RFX3: variants seen among roughly 807,000 people sequenced by gnomAD.
RFX3 encodes the protein regulatory factor X3.
A neutral mutation model predicts 98.6 loss-of-function variants in RFX3; 14 were observed. The ratio of observed to expected loss-of-function variants is 0.14; its 90% CI spans 0.09 to 0.22. The LOEUF is 0.22. Ranked by LOEUF, RFX3 falls within the 10% of genes least tolerant of loss-of-function variation. The pLI is 1.00. For synonymous variants in RFX3, 383 were observed against 328.4 expected (o/e 1.17, Z -1.80); for missense variants, 639 against 926.9 (o/e 0.69, Z 4.03).
chr9:3,340,150 G>A (rs1478737948), intron 3 of RFX3, among the ~76,000 whole-genome samples: 5 of 152,152 alleles, frequency 3.3e-5, no homozygotes, highest in African/African-American at 7.2e-5. Context: ...CAAGCAATGG[G>A]GAAAGGATTC....
intron 2 of RFX3, among the ~76,000 whole-genome samples, chr9:3,347,756 G>A (rs1255903232): frequency 1.3e-5 from 2 of 152,070 alleles, no homozygotes; most frequent in Admixed American, 6.6e-5. Context: ...AATCCAGGAG[G>A]CAGAGGTTGC....
intron 2 of RFX3, among the ~76,000 whole-genome samples, chr9:3,392,782 C>T (rs2131883366): frequency 6.6e-6 from 1 of 152,106 alleles, no homozygotes; most frequent in East Asian, 1.9e-4. Context: ...TGGTGTTTGG[C>T]TTGTCCATGG....
intron 4 of RFX3, among the ~76,000 whole-genome samples, chr9:3,310,517 A>C (rs1454596835): frequency 6.6e-6 from 1 of 152,230 alleles, no homozygotes; most frequent in Admixed American, 6.5e-5. Context: ...AATTGGTTTC[A>C]TGGTAGAAAC....
chr9:3,276,364 G>C (rs1024921079), intron 8 of RFX3, among the ~76,000 whole-genome samples: 1 of 151,966 alleles, frequency 6.6e-6, no homozygotes, highest in Admixed American at 6.6e-5. Context: ...ATTAGCTCTG[G>C]ACAATTAATG....
intron 1 of RFX3, among the ~76,000 whole-genome samples, chr9:3,416,821 A>T (rs1235963747): frequency 6.6e-6 from 1 of 152,182 alleles, no homozygotes; most frequent in Non-Finnish European, 1.5e-5. Flanking sequence ...AACAGGAAAA[A>T]GGAACCAAAG....
At chr9:3,326,331 T>C (rs1483655010) in intron 4 of RFX3, among the ~76,000 whole-genome samples, 1 of 152,222 alleles carries the variant, frequency 6.6e-6, no homozygotes, top group East Asian at 1.9e-4. Flanking sequence ...GCTGACTTTA[T>C]AAACTTTTAT....
intron 15 of RFX3, among the ~76,000 whole-genome samples, chr9:3,246,126 T>C (rs1283835180): frequency 1.3e-5 from 2 of 152,090 alleles, no homozygotes; most frequent in African/African-American, 4.8e-5. Flanking sequence ...TTGGGGTAAA[T>C]AATGGATGAG....
intron 2 of RFX3, among the ~76,000 whole-genome samples, chr9:3,378,988 T>G (rs1838879588): frequency 6.6e-6 from 1 of 152,200 alleles, no homozygotes; most frequent in Non-Finnish European, 1.5e-5. Context: ...TGCCTGTACA[T>G]ATTCAACACT....
At chr9:3,506,725 G>C (rs1817137700) in intron 1 of RFX3, among the ~76,000 whole-genome samples, 1 of 151,662 alleles carries the variant, frequency 6.6e-6, no homozygotes, top group South Asian at 2.1e-4. Context: ...TATAAATATA[G>C]AATGAGGTGA....
At chr9:3,448,089 A>G (rs565882673) in intron 1 of RFX3, among the ~76,000 whole-genome samples, 1 of 152,158 alleles carries the variant, frequency 6.6e-6, no homozygotes, top group South Asian at 2.1e-4. Flanking sequence ...CACTTCACCT[A>G]CTTAACTTCA....
At chr9:3,453,060 A>G (rs1198668685) in intron 1 of RFX3, among the ~76,000 whole-genome samples, 1 of 152,306 alleles carries the variant, frequency 6.6e-6, no homozygotes, top group East Asian at 1.9e-4. Flanking sequence ...CAAAACTGGA[A>G]TAACAGTACG....
intron 15 of RFX3, among the ~76,000 whole-genome samples, chr9:3,244,534 T>C (rs1820382277): frequency 6.6e-6 from 1 of 152,190 alleles, no homozygotes; most frequent in African/African-American, 2.4e-5. Flanking sequence ...ACGTTAGGTT[T>C]CTCAGGAAAA....
At position 3,504,218 on chromosome 9, in the gene RFX3, C is replaced by A. The variant is rs1024192617; in HGVS notation, c.-9+21529G>T. Among the ~76,000 whole-genome samples the A allele has an allele frequency of 1.4e-3, 166 of 116,002 alleles. 1 individual carries two copies. The highest frequency in any genetic ancestry group is 6.5e-3 in the African/African-American group (160 of 24,682). 76.1% of individuals were successfully genotyped at this position (116,002 alleles called of 152,430 possible). A position where few individuals can be genotyped will look rare whatever the true frequency, so the allele number is the denominator to read the frequency against. On this transcript the variant is annotated intron_variant, in intron 1 of 16. Transcript: ENST00000617270. The stretch of plus-strand genomic sequence containing the variant: ...TTATATATATTATATATATTATATA[C>A]TATATTATATACTATATATTATATA...
chr9:3,525,344 A>G (rs1160491810), intron 1 of RFX3, among the ~76,000 whole-genome samples: 1 of 152,226 alleles, frequency 6.6e-6, no homozygotes, highest in Non-Finnish European at 1.5e-5. Flanking sequence ...AAAATTAAAG[A>G]AAGAACAAAT....
At chr9:3,259,507 G>A (rs1237027746) in intron 13 of RFX3, among the ~76,000 whole-genome samples, 14 of 148,954 alleles carry the variant, frequency 9.4e-5, no homozygotes, top group Non-Finnish European at 1.0e-4. Context: ...TCTTAAATTA[G>A]AAAAAAAAAA....
At chr9:3,260,334 C>T (rs561204491) in intron 13 of RFX3, among the ~76,000 whole-genome samples, 19 of 151,908 alleles carry the variant, frequency 1.3e-4, no homozygotes, top group African/African-American at 4.1e-4. Context: ...GAGGATAAGT[C>T]GTACAGTAGA....
chr9:3,433,420 C>G, intron 1 of RFX3, among the ~76,000 whole-genome samples: 1 of 152,130 alleles, frequency 6.6e-6, no homozygotes, highest in East Asian at 1.9e-4. Context: ...TTCTTGGTAG[C>G]ATTTTCTTCT....
At chr9:3,443,237 G>A (rs1250039520) in intron 1 of RFX3, among the ~76,000 whole-genome samples, 2 of 152,176 alleles carry the variant, frequency 1.3e-5, no homozygotes, top group Admixed American at 6.5e-5. Flanking sequence ...TGTGCAGGAT[G>A]TGCAGGTTTG....
intron 14 of RFX3, among the ~76,000 whole-genome samples, chr9:3,249,946 AATT>A (rs1473885629): frequency 6.6e-6 from 1 of 152,010 alleles, no homozygotes; most frequent in Non-Finnish European, 1.5e-5. Flanking sequence ...CTCTATAAAT[AATT>A]ATTAAAAATA....
Sources: allele counts gnomAD v4.1 joint callset (sites outside exome capture counted in the v4.1 genomes callset), GRCh38; gene constraint gnomAD v4.1.1; transcripts MANE v1.5; gene names NCBI Gene and HGNC (gene_info 2026-07-23, HGNC 2026-07-21).